Variants in HAPLN1 observed in about 807,000 individuals in gnomAD.
HAPLN1 encodes hyaluronan and proteoglycan link protein 1, also known as Cartilage link protein.
HAPLN1 carries 13 observed loss-of-function variants against 36.5 expected under a neutral mutation model. That is an observed-to-expected ratio of 0.36 (90% CI 0.23 to 0.57). The LOEUF is 0.57. HAPLN1 is among the 20% of genes least tolerant of loss of function. The pLI, the probability that HAPLN1 is intolerant of heterozygous loss-of-function variation, is 0.83. For missense variants in HAPLN1, 407 were observed against 439.7 expected, an observed-to-expected ratio of 0.93 and a Z score of 0.66; for synonymous variants, 202 against 169.8, an observed-to-expected ratio of 1.19 and a Z score of -1.48.
intron 1 of HAPLN1, among the ~76,000 whole-genome samples, chr5:83,697,969 T>C (rs1751429914): frequency 1.3e-5 from 2 of 152,278 alleles, no homozygotes; most frequent in Admixed American, 6.5e-5. Flanking sequence ...TTTCTCCCAA[T>C]CTTTTGGGAT....
chr5:83,654,343 C>A (rs1461448070), intron 2 of HAPLN1, among the ~76,000 whole-genome samples: 3 of 152,218 alleles, frequency 2.0e-5, no homozygotes, highest in African/African-American at 7.2e-5. Context: ...AAATCCAGCT[C>A]ATTAAGCATT....
At chr5:83,685,578 T>A (rs1350981525) in intron 1 of HAPLN1, among the ~76,000 whole-genome samples, 1 of 152,236 alleles carries the variant, frequency 6.6e-6, no homozygotes, top group East Asian at 1.9e-4. Flanking sequence ...CCCGTGCTAA[T>A]GTTACAAAAG....
At chr5:83,674,529 A>G (rs1750816347) in intron 1 of HAPLN1, 1 of 152,242 alleles carries the variant, frequency 6.6e-6, no homozygotes, top group South Asian at 2.1e-4. Context: ...TACGAACCTT[A>G]TAACCTTTGC....
At position 83,685,385 on chromosome 5, in the gene HAPLN1, G is replaced by A. The variant is rs147590806; in HGVS notation, c.-26-11836C>T. Reference sequence around the variant, plus strand: ...TGCACAGTATACAACCTGCACAACCGTATGCTGCAGACTTCTAGATATTGT... The same window carrying A: ...TGCACAGTATACAACCTGCACAACCATATGCTGCAGACTTCTAGATATTGT... On this transcript the variant is annotated intron_variant, in intron 1 of 4. Transcript: ENST00000274341. Among the ~76,000 whole-genome samples, 671 of 152,228 alleles carry A rather than the reference G, an allele frequency of 4.4e-3. 5 individuals are homozygous for A. Among genetic ancestry groups the A allele is most frequent in the African/African-American group, 0.014 (592 of 41,544 alleles).
chr5:83,691,228 T>C (rs1266446549), intron 1 of HAPLN1, among the ~76,000 whole-genome samples: 1 of 151,958 alleles, frequency 6.6e-6, no homozygotes, highest in Non-Finnish European at 1.5e-5. Flanking sequence ...GTTCTGAAAA[T>C]TGACGGTTCC....
intron 1 of HAPLN1, among the ~76,000 whole-genome samples, chr5:83,707,780 G>A (rs10060890): frequency 0.27 from 40,765 of 151,908 alleles, 6,076 homozygotes; most frequent in Non-Finnish European, 0.34. Flanking sequence ...AATAAACTGT[G>A]AACAGAGTAA....
chr5:83,655,680 G>T (rs1427763432), intron 2 of HAPLN1, among the ~76,000 whole-genome samples: 3 of 121,366 alleles, frequency 2.5e-5, no homozygotes, highest in South Asian at 2.6e-4. Flanking sequence ...TAATGTTTTT[G>T]TTTGTTTGTT....
intron 1 of HAPLN1, among the ~76,000 whole-genome samples, chr5:83,684,135 A>G (rs991127890): frequency 1.1e-4 from 17 of 152,168 alleles, no homozygotes; most frequent in African/African-American, 3.1e-4. Context: ...GATAAGCATT[A>G]CAATAGGGAA....
At chr5:83,656,377 A>G (rs1368123549) in intron 2 of HAPLN1, among the ~76,000 whole-genome samples, 3 of 150,272 alleles carry the variant, frequency 2.0e-5, no homozygotes, top group Non-Finnish European at 4.4e-5. Flanking sequence ...AGGCTGTGGC[A>G]TAGCAATTGA....
rs889897957 is a variant in HAPLN1, at chr5:83,640,449, G to C, written c.*1047C>G. 6.6e-6 allele frequency: 1 copy of C among 151,964 alleles called. No homozygotes were observed. Among genetic ancestry groups the C allele is most frequent in the African/African-American group, 2.4e-5 (1 of 41,356 alleles). 9.4% of individuals were successfully genotyped at this position (151,964 alleles called of 1,614,324 possible). ...ACACAGGCACTGGTTGGGTTCTCTCGTGTATATACAAATAGGAATAATAAG... is the reference window on the plus strand; with the variant it reads ...ACACAGGCACTGGTTGGGTTCTCTCCTGTATATACAAATAGGAATAATAAG... On this transcript the variant is annotated 3_prime_UTR_variant, in exon 5 of 5. Transcript: ENST00000274341.
At chr5:83,695,192 C>T (rs1316612162) in intron 1 of HAPLN1, among the ~76,000 whole-genome samples, 1 of 152,170 alleles carries the variant, frequency 6.6e-6, no homozygotes, top group Non-Finnish European at 1.5e-5. Context: ...GTGGCGCAAT[C>T]TCGGCTCACT....
chr5:83,704,247 C>T (rs992611609), intron 1 of HAPLN1, among the ~76,000 whole-genome samples: 2 of 152,072 alleles, frequency 1.3e-5, no homozygotes, highest in African/African-American at 2.4e-5. Flanking sequence ...TACAAGAGAT[C>T]TTGAAAGGAG....
rs547604879 is a variant in HAPLN1, at chr5:83,708,203, A to G, written c.-27+12586T>C. On this transcript the variant is annotated intron_variant, in intron 1 of 4. Transcript: ENST00000274341. ...AACTACCATTCCACCCAGCAATCCCAGTACTGGGGATATACTCAGAGGAAT... is the reference window on the plus strand; with the variant it reads ...AACTACCATTCCACCCAGCAATCCCGGTACTGGGGATATACTCAGAGGAAT... Among the ~76,000 whole-genome samples, 3 of 152,360 alleles carry G rather than the reference A, an allele frequency of 2.0e-5. No homozygotes were observed. The South Asian group carries it at 6.2e-4, about 32-fold the overall frequency.
chr5:83,706,517 A>G (rs1751655986), intron 1 of HAPLN1, among the ~76,000 whole-genome samples: 1 of 152,234 alleles, frequency 6.6e-6, no homozygotes, highest in African/African-American at 2.4e-5. Flanking sequence ...AAGGCTTTCA[A>G]TAAATTTCAA....
At chr5:83,665,531 C>G (rs1430864993) in intron 2 of HAPLN1, among the ~76,000 whole-genome samples, 1 of 152,050 alleles carries the variant, frequency 6.6e-6, no homozygotes, top group Non-Finnish European at 1.5e-5. Context: ...TTTTCAAAGG[C>G]GTTTTTATTT....
Position 83,641,481 on chromosome 5 carries a change from G to A in HAPLN1, c.*15C>T, listed in dbSNP as rs760706626. ...TTCTTAATGACTTTAAAACTGATGC[G>A]CTCTAAGGGCACATTCAGTTGTATG... is the stretch of plus-strand genomic sequence containing the variant. On this transcript the variant is annotated 3_prime_UTR_variant, in exon 5 of 5. Coordinates refer to ENST00000274341, the MANE Select transcript of HAPLN1 (RefSeq NM_001884.4). The A allele has an allele frequency of 1.9e-6, 3 of 1,573,854 alleles. No homozygotes were observed. The highest frequency in any genetic ancestry group is 1.4e-5 in the African/African-American group (1 of 73,598).
intron 4 of HAPLN1, among the ~76,000 whole-genome samples, chr5:83,642,522 T>C (rs1749731011): frequency 6.6e-6 from 1 of 152,336 alleles, no homozygotes; most frequent in African/African-American, 2.4e-5. Flanking sequence ...TTACTGAGAT[T>C]CCTTCAATAT....
At chr5:83,714,251 G>C (rs1291158482) in intron 1 of HAPLN1, among the ~76,000 whole-genome samples, 1 of 151,970 alleles carries the variant, frequency 6.6e-6, no homozygotes, top group Non-Finnish European at 1.5e-5. Flanking sequence ...TCTAAATCAG[G>C]GTCATCAGTC....
intron 1 of HAPLN1, among the ~76,000 whole-genome samples, chr5:83,714,154 C>CATTCGT (rs1262091385): frequency 1.3e-5 from 2 of 152,116 alleles, no homozygotes; most frequent in Non-Finnish European, 2.9e-5. Flanking sequence ...GGATGTCAGG[C>CATTCGT]ATTCGTATCT....
Sources: gnomAD v4.1 joint callset for allele counts (sites outside exome capture counted in the v4.1 genomes callset) on GRCh38, gnomAD v4.1.1 for gene constraint, MANE v1.5 for transcripts, NCBI Gene and HGNC (gene_info 2026-07-23, HGNC 2026-07-21) for gene names.